NFIA: variants seen among roughly 807,000 people sequenced by gnomAD.
NFIA encodes the protein nuclear factor I A.
Under a neutral mutation model 62.8 loss-of-function variants are expected in NFIA, and 8 were observed. The ratio of observed to expected loss-of-function variants is 0.13; its 90% CI spans 0.07 to 0.23. The LOEUF is 0.23. NFIA is among the 10% of genes least tolerant of loss of function. The pLI is 1.00. For synonymous variants in NFIA, 235 were observed against 238.1 expected, an observed-to-expected ratio of 0.99 and a Z score of 0.12; for missense variants, 410 against 642.1, an observed-to-expected ratio of 0.64 and a Z score of 3.91.
At chr1:61,343,466 C>T (rs1570610388) in intron 4 of NFIA, among the ~76,000 whole-genome samples, 1 of 151,378 alleles carries the variant, frequency 6.6e-6, no homozygotes, top group East Asian at 1.9e-4. Flanking sequence ...GAAAATAGGG[C>T]TCTGTCTGTG....
At chr1:61,318,834 A>G (rs866943794) in intron 3 of NFIA, among the ~76,000 whole-genome samples, 4 of 152,144 alleles carry the variant, frequency 2.6e-5, no homozygotes, top group Admixed American at 1.3e-4. Context: ...AGGTATTTGC[A>G]TAGAGGAAAG....
At chr1:61,217,874 A>G (rs530815641) in intron 2 of NFIA, among the ~76,000 whole-genome samples, 3 of 152,326 alleles carry the variant, frequency 2.0e-5, no homozygotes, top group Non-Finnish European at 2.9e-5. Context: ...CTTATTATCC[A>G]CTAACCTCAA....
At chr1:61,352,986 A>G (rs72666628) in intron 5 of NFIA, among the ~76,000 whole-genome samples, 322 of 152,212 alleles carry the variant, frequency 2.1e-3, no homozygotes, top group Non-Finnish European at 4.0e-3. Flanking sequence ...TGAACATAAC[A>G]TGTTCTCAGG....
At chr1:61,310,771 C>CCTTG (rs1660062166) in intron 3 of NFIA, among the ~76,000 whole-genome samples, 1 of 149,242 alleles carries the variant, frequency 6.7e-6, no homozygotes, top group South Asian at 2.2e-4. Flanking sequence ...TCTTTTCCTT[C>CCTTG]CTTCCTTCCT....
At chr1:61,317,496 A>G (rs1257382812) in intron 3 of NFIA, among the ~76,000 whole-genome samples, 1 of 152,110 alleles carries the variant, frequency 6.6e-6, no homozygotes, top group Non-Finnish European at 1.5e-5. Context: ...ATATTTAGGA[A>G]TTAGATTTCT....
At chr1:61,374,407 A>T (rs1664050414) in intron 6 of NFIA, among the ~76,000 whole-genome samples, 1 of 152,056 alleles carries the variant, frequency 6.6e-6, no homozygotes, top group Admixed American at 6.6e-5. Flanking sequence ...CATGTAACAC[A>T]ATTTTTTTTA....
At chr1:61,131,717 A>G (rs970106368) in intron 2 of NFIA, among the ~76,000 whole-genome samples, 1 of 152,166 alleles carries the variant, frequency 6.6e-6, no homozygotes, top group Non-Finnish European at 1.5e-5. Context: ...TATGATAACT[A>G]TGTCATTAAT....
Position 61,383,374 on chromosome 1 carries a change from C to T in NFIA, c.1075+9C>T. ...CATTACAGGACCCAGAGGTGAGCTG[C>T]TCCACAGGCACCCTTGGTTGTGCTT... is the stretch of plus-strand genomic sequence containing the variant. On this transcript the variant is annotated intron_variant, in intron 7 of 10. Coordinates refer to ENST00000403491, the MANE Select transcript of NFIA (RefSeq NM_001134673.4). 2 of 1,613,786 alleles carry T rather than the reference C, an allele frequency of 1.2e-6. No homozygotes were observed. The highest frequency in any genetic ancestry group is 8.5e-7 in the Non-Finnish European group (1 of 1,179,770).
chr1:61,445,844 A>T (rs542601012), intron 10 of NFIA, among the ~76,000 whole-genome samples: 2 of 152,300 alleles, frequency 1.3e-5, no homozygotes, highest in South Asian at 4.1e-4. Context: ...TGATGTGATA[A>T]CTAGTATCCT....
At chr1:61,173,718 T>C (rs1222126157) in intron 2 of NFIA, among the ~76,000 whole-genome samples, 3 of 152,114 alleles carry the variant, frequency 2.0e-5, no homozygotes, top group Admixed American at 2.0e-4. Context: ...TTCTCTCACC[T>C]CTCTGGCCAG....
At chr1:61,429,357 T>C (rs1667002462) in intron 10 of NFIA, among the ~76,000 whole-genome samples, 1 of 152,184 alleles carries the variant, frequency 6.6e-6, no homozygotes, top group Non-Finnish European at 1.5e-5. Flanking sequence ...CCATACAATA[T>C]AGTCAGGAGT....
intron 2 of NFIA, among the ~76,000 whole-genome samples, chr1:61,168,625 T>A (rs1236301150): frequency 2.0e-5 from 3 of 152,214 alleles, no homozygotes; most frequent in African/African-American, 7.2e-5. Flanking sequence ...TTTGAAGGTG[T>A]TCAATGAAAA....
intron 2 of NFIA, among the ~76,000 whole-genome samples, chr1:61,139,292 G>A (rs1167901355): frequency 6.6e-6 from 1 of 152,166 alleles, no homozygotes; most frequent in African/African-American, 2.4e-5. Flanking sequence ...ACATGCAGAG[G>A]ATAGTCCGGA....
chr1:61,383,422 G>A (rs1664522196), intron 7 of NFIA, 57 bp downstream of exon 7: 4 of 1,599,182 alleles, frequency 2.5e-6, no homozygotes, highest in Non-Finnish European at 3.4e-6. Flanking sequence ...TTGGACCCAA[G>A]TAGCAAAATG....
intron 2 of NFIA, among the ~76,000 whole-genome samples, chr1:61,090,263 C>G (rs532450443): frequency 6.6e-6 from 1 of 152,242 alleles, no homozygotes; most frequent in African/African-American, 2.4e-5. Context: ...AAGAAGCACT[C>G]TTTAAAATCT....
intron 10 of NFIA, among the ~76,000 whole-genome samples, chr1:61,442,714 A>G (rs973935663): frequency 6.6e-6 from 1 of 152,218 alleles, no homozygotes; most frequent in Non-Finnish European, 1.5e-5. Context: ...CACAAAAGAA[A>G]GAACACATGA....
chr1:61,218,341 C>T (rs1439290657), intron 2 of NFIA, among the ~76,000 whole-genome samples: 1 of 152,306 alleles, frequency 6.6e-6, no homozygotes, highest in South Asian at 2.1e-4. Flanking sequence ...CAAAGAATCA[C>T]GAATTGATAT....
chr1:61,378,310 G>T (rs924311392), intron 6 of NFIA, among the ~76,000 whole-genome samples: 3 of 152,166 alleles, frequency 2.0e-5, no homozygotes, highest in Non-Finnish European at 2.9e-5. Flanking sequence ...AGAATCAGGA[G>T]AAGTAGAAAT....
intron 2 of NFIA, among the ~76,000 whole-genome samples, chr1:61,223,540 T>A (rs921898663): frequency 6.6e-6 from 1 of 152,088 alleles, no homozygotes; most frequent in Non-Finnish European, 1.5e-5. Context: ...CCACAAATTT[T>A]AACTTATTTT....
Sources: gnomAD v4.1 joint callset for allele counts (sites outside exome capture counted in the v4.1 genomes callset) on GRCh38, gnomAD v4.1.1 for gene constraint, MANE v1.5 for transcripts, NCBI Gene and HGNC (gene_info 2026-07-23, HGNC 2026-07-21) for gene names.